Variants in LTBP2 observed in about 807,000 individuals in gnomAD.
LTBP2 encodes the protein latent transforming growth factor beta binding protein 2, also known as latent-transforming growth factor beta-binding protein 2.
LTBP2 carries 103 observed loss-of-function variants against 210.6 expected under a neutral mutation model. The observed-to-expected ratio is 0.49, with a 90% CI of 0.42 to 0.58. The LOEUF (loss-of-function observed/expected upper bound fraction) is 0.58, where lower values mean the gene tolerates loss of function less well. LTBP2 is among the 20% of genes least tolerant of loss of function. The pLI is 0.00. For synonymous variants in LTBP2, 1,007 were observed against 1,015.0 expected (o/e 0.99, Z 0.15); for missense variants, 2,313 against 2,494.5 (o/e 0.93, Z 1.55).
intron 27 of LTBP2, 61 bp downstream of exon 27, chr14:74,506,637 G>A: frequency 6.2e-7 from 1 of 1,604,744 alleles, no homozygotes; most frequent in Middle Eastern, 1.8e-4. Context: ...CAGTTGAGGA[G>A]GAGGACCCCA....
chr14:74,563,645 A>C (rs2087826161), intron 3 of LTBP2, among the ~76,000 whole-genome samples: 1 of 152,186 alleles, frequency 6.6e-6, no homozygotes, highest in African/African-American at 2.4e-5. Flanking sequence ...AAAAAGAATA[A>C]TACCTCAAGA....
rs752166732 is a variant in LTBP2 at position 74,527,326 on chromosome 14, C to G, written c.2388+21G>C. On this transcript the variant is annotated intron_variant, in intron 13 of 35. Transcript: ENST00000261978. ...CTCTCTGCCATGCTTGCCCGGCCCC[C>G]TAGTGGGAGGACGCACTCACCTGGC... 3.1e-6 allele frequency: 5 copies of G among 1,610,328 alleles called. No individual in the cohort carries two copies. The East Asian group carries it at 1.1e-4, about 36-fold the overall frequency.
intron 31 of LTBP2, 21 bp from the exon 32 acceptor site, chr14:74,503,627 G>A (rs769995700): frequency 6.2e-7 from 1 of 1,612,522 alleles, no homozygotes; most frequent in Non-Finnish European, 8.5e-7. Context: ...AGGAAAGGGT[G>A]GGGCATTGCC....
intron 8 of LTBP2, among the ~76,000 whole-genome samples, chr14:74,540,830 A>ATTT (rs1555350191): frequency 1.5e-5 from 1 of 68,646 alleles, no homozygotes; most frequent in Non-Finnish European, 2.9e-5. Flanking sequence ...ATTTTTATAT[A>ATTT]ATATATATTT....
At chr14:74,534,202 C>T (rs1354876794) in intron 9 of LTBP2, among the ~76,000 whole-genome samples, 1 of 152,162 alleles carries the variant, frequency 6.6e-6, no homozygotes, top group African/African-American at 2.4e-5. Flanking sequence ...ATCTGACTTG[C>T]TTCCCTCTGC....
At chr14:74,597,631 G>A (rs541396203) in intron 2 of LTBP2, among the ~76,000 whole-genome samples, 1 of 152,352 alleles carries the variant, frequency 6.6e-6, no homozygotes, top group Non-Finnish European at 1.5e-5. Context: ...TGGACAAAGA[G>A]CCTCAGGGTA....
chr14:74,585,355 A>G (rs1164023826), intron 3 of LTBP2, among the ~76,000 whole-genome samples: 2 of 152,196 alleles, frequency 1.3e-5, no homozygotes, highest in Non-Finnish European at 2.9e-5. Context: ...GGTGTGGGAG[A>G]ACAAGTATAA....
chr14:74,547,409 T>C (rs538508152), intron 8 of LTBP2, among the ~76,000 whole-genome samples: 13 of 152,062 alleles, frequency 8.5e-5, no homozygotes, highest in Non-Finnish European at 1.6e-4. Context: ...GAGAGGGGCA[T>C]AGACCTCAGC....
intron 4 of LTBP2, among the ~76,000 whole-genome samples, chr14:74,553,632 G>A (rs1010908724): frequency 6.6e-6 from 1 of 152,162 alleles, no homozygotes; most frequent in Non-Finnish European, 1.5e-5. Context: ...TGGGGAAGCT[G>A]CAGAAGACTT....
chr14:74,603,636 T>C lies in LTBP2; in HGVS notation c.564A>G (p.Lys188=). The part of the protein sequence containing the change: ...TTANSTNHCI[K]PVCEPPCQNR... ...TCTGCTACTGGTGGAGGCACTCACGTTTGATACAGTGGTTGGTGCTGTTTG... is the reference window on the plus strand; with the variant it reads ...TCTGCTACTGGTGGAGGCACTCACGCTTGATACAGTGGTTGGTGCTGTTTG... The change falls in exon 2 of 36, where the codon AAA becomes AAG. Residue 188 remains lysine (K), a splice_region_variant and synonymous_variant. Transcript: ENST00000261978. 1 of 1,614,208 alleles carries C rather than the reference T, an allele frequency of 6.2e-7. No homozygotes were observed. Among genetic ancestry groups the C allele is most frequent in the Non-Finnish European group, 8.5e-7 (1 of 1,180,036 alleles).
intron 3 of LTBP2, among the ~76,000 whole-genome samples, chr14:74,576,118 C>T (rs539072562): frequency 1.4e-3 from 214 of 152,312 alleles, no homozygotes; most frequent in Middle Eastern, 6.8e-3. Flanking sequence ...GCCTGGCTTC[C>T]GACTCCCAGG....
intron 27 of LTBP2, 112 bp from the exon 28 acceptor site, chr14:74,506,303 C>G (rs148767058): frequency 1.4e-6 from 2 of 1,407,146 alleles, no homozygotes; most frequent in Admixed American, 1.8e-5. Flanking sequence ...GGGGAAGAAA[C>G]AAGAGTAAGT....
intron 3 of LTBP2, among the ~76,000 whole-genome samples, chr14:74,579,046 G>A (rs758670472): frequency 3.3e-5 from 5 of 152,130 alleles, no homozygotes; most frequent in South Asian, 2.1e-4. Flanking sequence ...TAGTAGAGAC[G>A]GGGTTTCGCC....
At position 74,612,012 on chromosome 14, in the gene LTBP2, G is replaced by A; in HGVS notation, c.-68C>T. 3 of 1,415,404 alleles carry A rather than the reference G, an allele frequency of 2.1e-6. No homozygotes were observed. The highest frequency in any genetic ancestry group is 2.7e-5 in the East Asian group (1 of 37,118). The allele number at this position is 1,415,404 out of a possible 1,614,324, so 87.7% of individuals were successfully genotyped here. ...GAGCTTTGTGGTCGGCACGCTGGAC[G>A]CCCGCGGGCTGTTCTCCCGGCCCCG... On this transcript the variant is annotated 5_prime_UTR_variant, in exon 1 of 36. Coordinates refer to ENST00000261978, the MANE Select transcript of LTBP2 (RefSeq NM_000428.3).
At chr14:74,542,021 A>G (rs1271162172) in intron 8 of LTBP2, among the ~76,000 whole-genome samples, 1 of 152,210 alleles carries the variant, frequency 6.6e-6, no homozygotes, top group African/African-American at 2.4e-5. Context: ...GGATGCTTCA[A>G]GGAGGCCTTG....
intron 3 of LTBP2, among the ~76,000 whole-genome samples, chr14:74,567,476 G>C (rs1271366823): frequency 6.6e-6 from 1 of 152,120 alleles, no homozygotes; most frequent in Non-Finnish European, 1.5e-5. Context: ...CGGGGTGGGG[G>C]TGGCCCTGAG....
intron 4 of LTBP2, among the ~76,000 whole-genome samples, chr14:74,553,354 T>TTTTTCATATA (rs2087685999): frequency 6.6e-6 from 1 of 152,108 alleles, no homozygotes; most frequent in Admixed American, 6.5e-5. Context: ...TGGCTGAGTG[T>TTTTTCATATA]TGGTATTTTT....
chr14:74,580,542 C>A lies in LTBP2; in HGVS notation c.830+5312G>T, dbSNP rs540101903. On this transcript the variant is annotated intron_variant, in intron 3 of 35. Coordinates refer to ENST00000261978, the MANE Select transcript of LTBP2 (RefSeq NM_000428.3). ...GATATGCTAGCAGAGAGGCACAGAA[C>A]CTTCTCCCTCAGAGTCTCAGAGGGA... Among the ~76,000 whole-genome samples, 8 of 152,320 alleles carry A rather than the reference C, an allele frequency of 5.3e-5. 1 individual carries two copies. The highest frequency in any genetic ancestry group is 3.9e-4 in the East Asian group (2 of 5,186).
intron 34 of LTBP2, 107 bp from the exon 35 acceptor site, chr14:74,501,697 T>A: frequency 7.3e-7 from 1 of 1,374,982 alleles, no homozygotes; most frequent in Non-Finnish European, 1.0e-6. Context: ...TGTGGAACTG[T>A]GGGGGTGGGG....
Sources: allele counts gnomAD v4.1 joint callset (sites outside exome capture counted in the v4.1 genomes callset), GRCh38; gene constraint gnomAD v4.1.1; transcripts MANE v1.5; gene names NCBI Gene and HGNC (gene_info 2026-07-23, HGNC 2026-07-21).